SLC35F1: variants seen among roughly 807,000 people sequenced by gnomAD.
The protein encoded by SLC35F1 is chromosome 6 open reading frame 169.
Under a neutral mutation model 48.7 loss-of-function variants are expected in SLC35F1, and 14 were observed. The observed-to-expected ratio is 0.29, with a 90% CI of 0.19 to 0.45. The LOEUF is 0.45. Ranked by LOEUF, SLC35F1 falls within the 20% of genes least tolerant of loss-of-function variation. The pLI, the probability that SLC35F1 is intolerant of heterozygous loss-of-function variation, is 1.00. For missense variants in SLC35F1, 404 were observed against 500.0 expected (o/e 0.81, Z 1.83); for synonymous variants, 190 against 202.2 (o/e 0.94, Z 0.51).
chr6:118,112,884 C>T (rs1005995420), intron 1 of SLC35F1, among the ~76,000 whole-genome samples: 17 of 152,032 alleles, frequency 1.1e-4, no homozygotes, highest in African/African-American at 3.4e-4. Context: ...TCAATAATCC[C>T]TTTAAATATG....
intron 1 of SLC35F1, among the ~76,000 whole-genome samples, chr6:117,921,502 C>G (rs1051852116): frequency 4.6e-5 from 7 of 152,184 alleles, no homozygotes; most frequent in African/African-American, 1.7e-4. Context: ...AGGCAAAATT[C>G]TTCTATTTTA....
chr6:118,117,355 T>C (rs17079715), intron 1 of SLC35F1, among the ~76,000 whole-genome samples: 3,430 of 152,338 alleles, frequency 0.023, 58 homozygotes, highest in Non-Finnish European at 0.036. Context: ...ATGTGCTTAT[T>C]GCTTATGGCA....
chr6:118,192,212 C>T (rs958366035), intron 2 of SLC35F1, among the ~76,000 whole-genome samples: 10 of 152,104 alleles, frequency 6.6e-5, no homozygotes, highest in African/African-American at 1.7e-4. Flanking sequence ...TTTCAGTATT[C>T]GCTGATTTAA....
intron 7 of SLC35F1, among the ~76,000 whole-genome samples, chr6:118,307,925 G>T (rs1333237166): frequency 6.6e-6 from 1 of 152,208 alleles, no homozygotes; most frequent in Non-Finnish European, 1.5e-5. Context: ...AGAAGCACAG[G>T]ACTGCCAAGA....
chr6:118,274,199 A>G (rs1395005188), intron 4 of SLC35F1, among the ~76,000 whole-genome samples: 1 of 152,086 alleles, frequency 6.6e-6, no homozygotes, highest in African/African-American at 2.4e-5. Flanking sequence ...GAGCTCCTGC[A>G]CTGCTGACTT....
At chr6:118,266,324 T>C (rs1340697448) in intron 3 of SLC35F1, among the ~76,000 whole-genome samples, 1 of 152,206 alleles carries the variant, frequency 6.6e-6, no homozygotes, top group Non-Finnish European at 1.5e-5. Context: ...ATATAAAAAA[T>C]GAAATCAAAT....
intron 3 of SLC35F1, among the ~76,000 whole-genome samples, chr6:118,256,922 C>T (rs746745349): frequency 3.3e-5 from 5 of 152,066 alleles, no homozygotes; most frequent in Non-Finnish European, 7.4e-5. Context: ...TCAAAGATAA[C>T]CATTGTTAAC....
rs1305442385 is a variant in SLC35F1 at position 118,258,976 on chromosome 6, GAGA to G, written c.478-8013_478-8011del. Among the ~76,000 whole-genome samples, 11 of 151,732 alleles carry G rather than the reference GAGA, an allele frequency of 7.2e-5. No individual in the cohort carries two copies. In the South Asian group the frequency reaches 1.9e-3, roughly 26 times the overall value. On this transcript the variant is annotated intron_variant, in intron 3 of 7. Coordinates refer to ENST00000360388, the MANE Select transcript of SLC35F1 (RefSeq NM_001029858.4). Reference sequence around the variant, plus strand: ...TGACTACTTCGCTGATTTGGGGAGAGAGAAGAAGTTTTTTTAAAATGAGCTTAT... The same window carrying G: ...TGACTACTTCGCTGATTTGGGGAGAGAGAAGTTTTTTTAAAATGAGCTTAT...
At chr6:118,218,913 TG>T (rs1775108805) in intron 2 of SLC35F1, among the ~76,000 whole-genome samples, 1 of 152,230 alleles carries the variant, frequency 6.6e-6, no homozygotes, top group South Asian at 2.1e-4. Flanking sequence ...TTTCTATCTG[TG>T]GGTACATATC....
At chr6:118,179,644 G>A (rs1774542377) in intron 2 of SLC35F1, among the ~76,000 whole-genome samples, 2 of 152,094 alleles carry the variant, frequency 1.3e-5, no homozygotes, top group Non-Finnish European at 2.9e-5. Flanking sequence ...GACCATCACA[G>A]ATTTCAATTT....
At chr6:118,030,395 A>G (rs575485381) in intron 1 of SLC35F1, among the ~76,000 whole-genome samples, 8 of 152,290 alleles carry the variant, frequency 5.3e-5, no homozygotes, top group African/African-American at 1.7e-4. Context: ...CCTTCCCACT[A>G]CTTTGGCCAA....
chr6:118,177,064 A>T (rs992783485), intron 2 of SLC35F1, among the ~76,000 whole-genome samples: 3 of 152,132 alleles, frequency 2.0e-5, no homozygotes, highest in Non-Finnish European at 4.4e-5. Flanking sequence ...CCATAGTGTT[A>T]TAGACTCACT....
intron 7 of SLC35F1, among the ~76,000 whole-genome samples, chr6:118,293,483 G>A (rs1776148919): frequency 6.6e-6 from 1 of 152,056 alleles, no homozygotes; most frequent in African/African-American, 2.4e-5. Context: ...AGATAATTCA[G>A]GATAATATCC....
chr6:118,123,125 T>G (rs1372548243), intron 1 of SLC35F1, among the ~76,000 whole-genome samples: 1 of 152,150 alleles, frequency 6.6e-6, no homozygotes, highest in Non-Finnish European at 1.5e-5. Flanking sequence ...ATGTTCCTTG[T>G]ATTATGTTCC....
At chr6:118,267,286 G>A in intron 4 of SLC35F1, 132 bp downstream of exon 4, 3 of 1,059,576 alleles carry the variant, frequency 2.8e-6, no homozygotes, top group South Asian at 1.5e-5. Context: ...TCCTGTTCAT[G>A]TCTGTTCCCC....
chr6:117,972,064 C>A (rs1461119903), intron 1 of SLC35F1, among the ~76,000 whole-genome samples: 1 of 152,208 alleles, frequency 6.6e-6, no homozygotes. Context: ...AACTTTCATG[C>A]TCTGCTTCCT....
intron 1 of SLC35F1, among the ~76,000 whole-genome samples, chr6:117,912,835 A>G (rs1160490072): frequency 2.0e-5 from 3 of 152,204 alleles, no homozygotes. Flanking sequence ...TCAGATAAAG[A>G]TGATGTGTTT....
chr6:117,944,586 T>TACACACACACACAC (rs373551582), intron 1 of SLC35F1, among the ~76,000 whole-genome samples: 1,925 of 146,346 alleles, frequency 0.013, 17 homozygotes, highest in East Asian at 0.025. Context: ...AACACACACA[T>TACACACACACACAC]ACACATACAC....
intron 6 of SLC35F1, among the ~76,000 whole-genome samples, chr6:118,281,303 A>G (rs1443682913): frequency 6.6e-6 from 1 of 151,834 alleles, no homozygotes; most frequent in Non-Finnish European, 1.5e-5. Context: ...ATTAAACAAT[A>G]TAGATGAGTG....
Sources: gnomAD v4.1 joint callset for allele counts (sites outside exome capture counted in the v4.1 genomes callset) on GRCh38, gnomAD v4.1.1 for gene constraint, MANE v1.5 for transcripts, NCBI Gene and HGNC (gene_info 2026-07-23, HGNC 2026-07-21) for gene names.